PPIG: variants seen among roughly 807,000 people sequenced by gnomAD.
PPIG encodes peptidylprolyl isomerase G.
Under a neutral mutation model 87.9 loss-of-function variants are expected in PPIG, and 26 were observed. That is an observed-to-expected ratio of 0.30 (90% CI 0.22 to 0.41). The LOEUF (loss-of-function observed/expected upper bound fraction) is 0.41. PPIG is among the 10% of genes least tolerant of loss of function. The pLI, the probability that PPIG is intolerant of heterozygous loss-of-function variation, is 1.00. For synonymous variants in PPIG, 308 were observed against 276.5 expected (o/e 1.11, Z -1.13); for missense variants, 722 against 879.4 (o/e 0.82, Z 2.26).
rs572828310 is a variant in PPIG at position 169,637,644 on chromosome 2, T to C, written c.*121T>C. ...TTTGGATTGTTTTATGTTTGTCCTT[T>C]TTTTTCTTAATGTGGATTTCATTGA... On this transcript the variant is annotated 3_prime_UTR_variant, in exon 14 of 14. Transcript: ENST00000260970. 6 of 1,078,092 alleles carry C rather than the reference T, an allele frequency of 5.6e-6. No individual in the cohort carries two copies. The highest frequency in any genetic ancestry group is 1.6e-5 in the African/African-American group (1 of 62,296). The allele number at this position is 1,078,092 out of a possible 1,614,324, so 66.8% of individuals were successfully genotyped here. A position where few individuals can be genotyped will look rare whatever the true frequency, so the allele number is the denominator to read the frequency against.
At chr2:169,633,794 C>A (rs1193439864) in intron 12 of PPIG, among the ~76,000 whole-genome samples, 1 of 151,584 alleles carries the variant, frequency 6.6e-6, no homozygotes, top group Admixed American at 6.6e-5. Context: ...CAGTCTTCAT[C>A]TTACTTAATC....
Position 169,636,958 on chromosome 2 carries a change from G to C in PPIG, c.1700G>C (p.Arg567Thr). The C allele has an allele frequency of 6.2e-7, 1 of 1,613,992 alleles. No individual in the cohort carries two copies. Among genetic ancestry groups the C allele is most frequent in the Non-Finnish European group, 8.5e-7 (1 of 1,179,970 alleles). ...AATAGCAGAACAAGAGAACGAAGCAGAAGTAGGGACAGAAGCAGAAGAGTG... is the reference window on the plus strand; with the variant it reads ...AATAGCAGAACAAGAGAACGAAGCACAAGTAGGGACAGAAGCAGAAGAGTG... ...SYNSRTRERS[R>T]SRDRSRRVRS... is the part of the protein sequence containing the mutation. The change falls in exon 14 of 14, where the codon AGA (arginine) becomes ACA (threonine). Residue 567 changes from arginine to threonine, a missense_variant. By Grantham distance (71) the Arg-to-Thr change is moderately conservative (BLOSUM62 -1). Coordinates refer to ENST00000260970, the MANE Select transcript of PPIG (RefSeq NM_004792.3).
intron 1 of PPIG, among the ~76,000 whole-genome samples, chr2:169,595,211 C>T (rs1225800939): frequency 6.6e-6 from 1 of 152,274 alleles, no homozygotes; most frequent in Non-Finnish European, 1.5e-5. Flanking sequence ...TGAGCCACTG[C>T]GCCTGGCCTA....
chr2:169,608,455 A>G (rs984422462), intron 6 of PPIG, among the ~76,000 whole-genome samples: 4 of 143,152 alleles, frequency 2.8e-5, no homozygotes, highest in Admixed American at 1.4e-4. Flanking sequence ...GGGCCACTGC[A>G]CTCCAGCCTG....
At position 169,631,944 on chromosome 2, in the gene PPIG, A is replaced by G. The variant is rs3754921; in HGVS notation, c.929+11A>G. The G allele has an allele frequency of 0.57, 888,606 of 1,569,730 alleles. 254,357 individuals carry two copies. Among genetic ancestry groups the G allele is most frequent in the African/African-American group, 0.73 (53,405 of 73,282 alleles). ...AAGGGAAAGAGAGTGGTATGTGAAT[A>G]TGTATATTTTGCCTTACATGGTTTA... On this transcript the variant is annotated intron_variant, in intron 11 of 13. Transcript: ENST00000260970.
chr2:169,599,647 T>A (rs1199999396), intron 1 of PPIG, among the ~76,000 whole-genome samples: 2 of 152,192 alleles, frequency 1.3e-5, no homozygotes, highest in African/African-American at 4.8e-5. Flanking sequence ...GTTATTTCAC[T>A]TTTTGTGAAT....
intron 9 of PPIG, among the ~76,000 whole-genome samples, chr2:169,623,904 TAAAAAAC>T (rs1685816884): frequency 6.6e-6 from 1 of 152,178 alleles, no homozygotes; most frequent in Non-Finnish European, 1.5e-5. Context: ...GGGTCTCAAA[TAAAAAAC>T]AAAGCAGCAT....
chr2:169,615,985 T>G (rs1685599681), intron 9 of PPIG, among the ~76,000 whole-genome samples: 1 of 152,218 alleles, frequency 6.6e-6, no homozygotes, highest in Admixed American at 6.5e-5. Flanking sequence ...CTGCTAATGC[T>G]ATCCCTCCCC....
At chr2:169,592,026 A>G (rs992148510) in intron 1 of PPIG, among the ~76,000 whole-genome samples, 8 of 142,518 alleles carry the variant, frequency 5.6e-5, no homozygotes, top group Admixed American at 4.7e-4. Context: ...TCCTGGGCTC[A>G]AATGATCCTC....
At chr2:169,608,801 G>A in intron 7 of PPIG, 43 bp downstream of exon 7, 2 of 1,427,288 alleles carry the variant, frequency 1.4e-6, no homozygotes, top group Non-Finnish European at 2.0e-6. Context: ...CCCATTTTTG[G>A]GCCGGGCACG....
chr2:169,605,369 G>C (rs1437988700), intron 4 of PPIG, among the ~76,000 whole-genome samples: 1 of 152,036 alleles, frequency 6.6e-6, no homozygotes. Context: ...TGGGTATGGT[G>C]GTGTGTGCCT....
chr2:169,600,299 A>AG (rs1360064588), intron 1 of PPIG, among the ~76,000 whole-genome samples: 1 of 152,012 alleles, frequency 6.6e-6, no homozygotes, highest in African/African-American at 2.4e-5. Context: ...GGTCTCGAAC[A>AG]GCTGGACTTA....
intron 4 of PPIG, among the ~76,000 whole-genome samples, chr2:169,605,817 A>G (rs571330770): frequency 5.3e-5 from 8 of 152,224 alleles, no homozygotes; most frequent in African/African-American, 1.9e-4. Flanking sequence ...ACCTAAAACC[A>G]AACATTAGTT....
rs1316392073 is a variant in PPIG at position 169,614,498 on chromosome 2, A to G, written c.407+5A>G. On this transcript the variant is annotated splice_donor_5th_base_variant and intron_variant, in intron 8 of 13. Coordinates refer to ENST00000260970, the MANE Select transcript of PPIG (RefSeq NM_004792.3). ...ACCAACTCCTCATTTAGATGGGTAA[A>G]TATTATTTTATTTATTTTACAACCT... is the stretch of plus-strand genomic sequence containing the variant. The G allele has an allele frequency of 3.2e-6, 5 of 1,561,848 alleles. No homozygotes were observed. The highest frequency in any genetic ancestry group is 2.7e-5 in the African/African-American group (2 of 72,864).
At chr2:169,611,971 G>A (rs1317742744) in intron 7 of PPIG, among the ~76,000 whole-genome samples, 3 of 151,656 alleles carry the variant, frequency 2.0e-5, no homozygotes, top group African/African-American at 4.9e-5. Context: ...CTTGTTTATA[G>A]CTATTTATTT....
intron 1 of PPIG, among the ~76,000 whole-genome samples, chr2:169,588,079 C>T (rs1684755777): frequency 6.6e-6 from 1 of 152,042 alleles, no homozygotes; most frequent in African/African-American, 2.4e-5. Context: ...GCAGGAGAAT[C>T]GCTTGAACCC....
chr2:169,619,241 G>A (rs909904296), intron 9 of PPIG, among the ~76,000 whole-genome samples: 3 of 152,132 alleles, frequency 2.0e-5, no homozygotes, highest in African/African-American at 7.2e-5. Context: ...AGACTTGACT[G>A]TTAGGATTTC....
intron 5 of PPIG, 50 bp downstream of exon 5, chr2:169,606,196 T>C: frequency 7.4e-7 from 1 of 1,346,024 alleles, no homozygotes; most frequent in Non-Finnish European, 1.1e-6. Flanking sequence ...ATCACAGATC[T>C]CAAAGTTAGA....
At chr2:169,603,486 A>G (rs1333000334) in intron 1 of PPIG, among the ~76,000 whole-genome samples, 156 bp from the exon 2 acceptor site, 1 of 10,698 alleles carries the variant, frequency 9.3e-5, no homozygotes, top group African/African-American at 3.1e-4. Flanking sequence ...TCTACCACAT[A>G]TACTATTTAA....
Sources: gnomAD v4.1 joint callset for allele counts (sites outside exome capture counted in the v4.1 genomes callset) on GRCh38, gnomAD v4.1.1 for gene constraint, MANE v1.5 for transcripts, NCBI Gene and HGNC (gene_info 2026-07-23, HGNC 2026-07-21) for gene names.